Variants in SCAP observed in about 807,000 individuals in gnomAD.
SCAP encodes the protein sterol regulatory element-binding protein cleavage-activating protein.
Under a neutral mutation model 123.6 loss-of-function variants are expected in SCAP, and 65 were observed. The observed-to-expected ratio is 0.53, with a 90% confidence interval of 0.43 to 0.65. The LOEUF is 0.65. Among genes scored for constraint, SCAP ranks in the 30% least tolerant of loss-of-function variants. SCAP has a pLI of 0.00. For synonymous variants in SCAP, 740 were observed against 726.3 expected, an observed-to-expected ratio of 1.02 and a Z score of -0.30; for missense variants, 1,398 against 1,712.5, an observed-to-expected ratio of 0.82 and a Z score of 3.24.
chr3:47,471,958 T>C (rs1041513302), intron 1 of SCAP, among the ~76,000 whole-genome samples: 46 of 150,746 alleles, frequency 3.1e-4, no homozygotes, highest in Admixed American at 7.3e-4. Flanking sequence ...CTAACCAATA[T>C]GGTGAAACCC....
At chr3:47,462,363 A>G (rs1360769316) in intron 1 of SCAP, among the ~76,000 whole-genome samples, 1 of 152,138 alleles carries the variant, frequency 6.6e-6, no homozygotes, top group African/African-American at 2.4e-5. Flanking sequence ...CCTCTGCCCC[A>G]TCGGCTATCT....
Position 47,425,984 on chromosome 3 carries a change from G to A in SCAP, c.910+13C>T. The A allele has an allele frequency of 6.2e-7, 1 of 1,613,890 alleles. No individual in the cohort carries two copies. ...CTTGGAGAAAGCCCTCAGCCTCCCT[G>A]CCATGAACCTACGCGTGGAGAAGTA... On this transcript the variant is annotated intron_variant, in intron 7 of 22. Transcript: ENST00000265565.
In SCAP at chr3:47,428,916, C is replaced by T. The variant is rs912507501; in HGVS notation, c.253-246G>A. 29 of 426,242 alleles carry T rather than the reference C, an allele frequency of 6.8e-5. 1 individual carries two copies. In the East Asian group the frequency reaches 1.1e-3, roughly 16 times the overall value. The allele number at this position is 426,242 out of a possible 1,614,324, so 26.4% of individuals were successfully genotyped here. A position where few individuals can be genotyped will look rare whatever the true frequency, so the allele number is the denominator to read the frequency against. On this transcript the variant is annotated intron_variant, in intron 3 of 22. Coordinates refer to ENST00000265565, the MANE Select transcript of SCAP (RefSeq NM_012235.4). ...TGAAATAAGCTGGAACCAAGATGGC[C>T]GACTGGAGTTGTGCAGAATGAGCTT...
At position 47,435,468 on chromosome 3, in the gene SCAP, AT is replaced by A. The variant is rs869174408; in HGVS notation, c.123-332del. On this transcript the variant is annotated intron_variant, in intron 2 of 22. Transcript: ENST00000265565. Reference sequence around the variant, plus strand: ...TAACATTAACATATATAATATAAACATACACACACACACACACACACACACA... The same window carrying A: ...TAACATTAACATATATAATATAAACAACACACACACACACACACACACACA... Among the ~76,000 whole-genome samples the A allele has an allele frequency of 2.9e-4, 10 of 34,232 alleles. 1 individual carries two copies. In the East Asian group the frequency reaches 9.1e-3, roughly 31 times the overall value. The allele number at this position is 34,232 out of a possible 152,430, so 22.5% of individuals were successfully genotyped here.
upstream of SCAP, among the ~76,000 whole-genome samples, chr3:47,476,284 A>T (rs11708770): frequency 0.38 from 57,217 of 151,702 alleles, 11,095 homozygotes; most frequent in East Asian, 0.53. Context: ...GCAACGTAGG[A>T]GACCTCCGTC....
intron 1 of SCAP, among the ~76,000 whole-genome samples, chr3:47,471,116 TAAAAAACAAACAAGTCTTCAAAATGTGC>T (rs1708010824): frequency 6.6e-6 from 1 of 152,126 alleles, no homozygotes; most frequent in Admixed American, 6.5e-5. Context: ...TAATAAATAT[TAAAAAACAAACAAGTCTTCAAAATGTGC>T]AAAGCTTTTC....
In SCAP at chr3:47,419,886, T is replaced by C. The variant is rs548840428; in HGVS notation, c.1564-182A>G. 8.5e-5 allele frequency among the ~76,000 whole-genome samples: 13 copies of C among 152,298 alleles called. No individual in the cohort carries two copies. The highest frequency in any genetic ancestry group is 1.6e-4 in the Non-Finnish European group (11 of 68,006). ...CCTCCTGCTAACACCTGCCAACACT[T>C]GCTGCTGGAGGGGCCTGCTTGCCTT... On this transcript the variant is annotated intron_variant, in intron 12 of 22. Transcript: ENST00000265565. The surrounding 1 kb of genome is among the most constrained non-coding windows in gnomAD (Gnocchi z 5.0).
chr3:47,418,625 T>G, intron 14 of SCAP, 30 bp downstream of exon 14: 1 of 1,510,598 alleles, frequency 6.6e-7, no homozygotes, highest in Non-Finnish European at 9.1e-7. Flanking sequence ...CCCGCACTCT[T>G]TCCCACCCCA....
At chr3:47,475,036 A>G (rs537022912) in intron 1 of SCAP, among the ~76,000 whole-genome samples, 6 of 152,336 alleles carry the variant, frequency 3.9e-5, no homozygotes, top group East Asian at 3.9e-4. Context: ...CCGCTTCACG[A>G]TAAGTATTAC....
chr3:47,466,823 G>A (rs915110712), intron 1 of SCAP, among the ~76,000 whole-genome samples: 3 of 152,118 alleles, frequency 2.0e-5, no homozygotes, highest in Non-Finnish European at 4.4e-5. Flanking sequence ...GGTGGCTCAC[G>A]CCTTAATCCT....
chr3:47,438,676 C>T (rs902755325), intron 2 of SCAP, among the ~76,000 whole-genome samples: 13 of 151,702 alleles, frequency 8.6e-5, no homozygotes, highest in South Asian at 4.2e-4. Context: ...TGGCCGGACG[C>T]GGTGGCACAC....
chr3:47,462,386 C>T (rs1294894212), intron 1 of SCAP, among the ~76,000 whole-genome samples: 1 of 152,156 alleles, frequency 6.6e-6, no homozygotes, highest in African/African-American at 2.4e-5. Flanking sequence ...GTAGTAAAGG[C>T]ACACGCAGTG....
intron 2 of SCAP, among the ~76,000 whole-genome samples, 169 bp downstream of exon 2, chr3:47,442,703 A>C (rs1185012992): frequency 6.6e-6 from 1 of 152,186 alleles, no homozygotes; most frequent in Non-Finnish European, 1.5e-5. Context: ...ATTTTATTAT[A>C]TTAGCTAACC....
intron 3 of SCAP, among the ~76,000 whole-genome samples, chr3:47,431,336 T>C (rs972421693): frequency 4.2e-4 from 2 of 4,812 alleles, no homozygotes; most frequent in Non-Finnish European, 1.4e-3. Flanking sequence ...CTGAGGTATA[T>C]AAAAAGAAGG....
intron 4 of SCAP, 104 bp downstream of exon 4, chr3:47,428,409 A>G: frequency 2.5e-6 from 3 of 1,206,290 alleles, no homozygotes; most frequent in African/African-American, 1.5e-5. Flanking sequence ...TGCTTGTTCT[A>G]TCTCTGCAGA....
At chr3:47,425,668 G>C (rs1344954779) in intron 7 of SCAP, 57 bp from the exon 8 acceptor site, 2 of 1,590,394 alleles carry the variant, frequency 1.3e-6, no homozygotes, top group Non-Finnish European at 8.6e-7. Context: ...CGGCCCACTG[G>C]GGCTCCCGGG....
At chr3:47,427,347 G>T in intron 5 of SCAP, 85 bp from the exon 6 acceptor site, 1 of 1,542,364 alleles carries the variant, frequency 6.5e-7, no homozygotes, top group Non-Finnish European at 9.0e-7. Context: ...CCCCACCCTG[G>T]GAAACAAAGG....
At position 47,418,460 on chromosome 3, in the gene SCAP, C is replaced by T. The variant is rs1202604067; in HGVS notation, c.2192G>A (p.Arg731His). Residue 731 changes from arginine to histidine, a missense_variant, in exon 15 of 23, where the codon CGC (arginine) becomes CAC (histidine). Physicochemically the swap from Arg to His is conservative, Grantham distance 29. Around this residue, in one of 7 missense-constraint regions of SCAP, gnomAD observed 828 missense variants for 882.5 expected, o/e 0.94. Coordinates refer to ENST00000265565, the MANE Select transcript of SCAP (RefSeq NM_012235.4). ...CCCGTAGTTGCGCGGGCATAGCACG[C>T]GGTAGAGGCAGAGCAGCAGCAGCAC... ...VLVLLLLCLY[R>H]VLCPRNYGQL... 17 of 1,597,946 alleles carry T rather than the reference C, an allele frequency of 1.1e-5. No individual in the cohort carries two copies. The Middle Eastern group carries it at 8.2e-4, about 77-fold the overall frequency.
chr3:47,427,110 T>A (rs1706166387), intron 6 of SCAP, 47 bp downstream of exon 6: 1 of 1,382,134 alleles, frequency 7.2e-7, no homozygotes, highest in Non-Finnish European at 1.0e-6. Context: ...CAAAGCCTCA[T>A]GTCACCCAGC....
Sources: allele counts gnomAD v4.1 joint callset (sites outside exome capture counted in the v4.1 genomes callset), GRCh38; gene constraint gnomAD v4.1.1; regional missense constraint gnomAD v4.1.1; non-coding constraint Gnocchi (gnomAD v3.1); transcripts MANE v1.5; gene names NCBI Gene and HGNC (gene_info 2026-07-23, HGNC 2026-07-21).